Variants in BMS1 observed in about 807,000 individuals in gnomAD.
BMS1 encodes ribosome biogenesis protein BMS1 homolog.
A neutral mutation model predicts 138.7 loss-of-function variants in BMS1; 53 were observed. The ratio of observed to expected loss-of-function variants is 0.38; its 90% confidence interval spans 0.31 to 0.48. BMS1 has a LOEUF of 0.48. Ranked by LOEUF, BMS1 falls within the 20% of genes least tolerant of loss-of-function variation. The probability of loss-of-function intolerance (pLI) is 0.97; values close to 1 mark genes in which losing one functional copy is unlikely to be tolerated. For synonymous variants in BMS1, 504 were observed against 539.9 expected (o/e 0.93, Z 0.92); for missense variants, 1,360 against 1,565.5 (o/e 0.87, Z 2.22).
intron 9 of BMS1, 152 bp downstream of exon 9, chr10:42,794,143 C>G: frequency 1.2e-6 from 1 of 833,266 alleles, no homozygotes; most frequent in Non-Finnish European, 1.8e-6. Flanking sequence ...GGGCTCTTCA[C>G]TTACCTGACA....
chr10:42,799,023 T>C (rs972349961), intron 12 of BMS1, among the ~76,000 whole-genome samples: 1 of 152,258 alleles, frequency 6.6e-6, no homozygotes, highest in Non-Finnish European at 1.5e-5. Flanking sequence ...ATGTTCTTCC[T>C]GCAGCTTACC....
At chr10:42,804,663 A>G (rs929269939) in intron 13 of BMS1, among the ~76,000 whole-genome samples, 1 of 151,792 alleles carries the variant, frequency 6.6e-6, no homozygotes, top group Non-Finnish European at 1.5e-5. Context: ...TGTCTTTTCT[A>G]TTTTTAATAG....
intron 15 of BMS1, among the ~76,000 whole-genome samples, chr10:42,819,938 C>G (rs778093918): frequency 6.6e-6 from 1 of 152,032 alleles, no homozygotes; most frequent in Non-Finnish European, 1.5e-5. Context: ...ACTACAGGCA[C>G]GCACCACCAC....
At chr10:42,830,451 T>A (rs1842769287) in intron 22 of BMS1, 29 bp downstream of exon 22, 1 of 1,574,250 alleles carries the variant, frequency 6.4e-7, no homozygotes, top group Non-Finnish European at 8.6e-7. Context: ...TACTGCACGC[T>A]GCGTTTAGAT....
At chr10:42,784,658 G>C (rs1306861517) in intron 2 of BMS1, 88 bp downstream of exon 2, 2 of 1,426,202 alleles carry the variant, frequency 1.4e-6, no homozygotes, top group African/African-American at 2.9e-5. Flanking sequence ...GGATTCACGA[G>C]TCTAGTCCAG....
chr10:42,829,310 C>CA (rs575009105), intron 21 of BMS1, among the ~76,000 whole-genome samples: 26 of 145,514 alleles, frequency 1.8e-4, no homozygotes, highest in South Asian at 8.7e-4. Flanking sequence ...GACTCCATCT[C>CA]AAAAAAAAAA....
rs1225870250 is a variant in BMS1, at chr10:42,830,320, G to C, written c.3516G>C (p.Lys1172Asn). Residue 1172 changes from lysine to asparagine, a missense_variant, in exon 22 of 23, where the codon AAG becomes AAC. Lys to Asn is a moderately conservative substitution (Grantham distance 94). Transcript: ENST00000374518. The part of the protein sequence containing the change: ...NSLHIPKALQ[K>N]ALPFKNKPKT... ...TGCACATTCCAAAAGCCTTGCAGAAGGCCCTGCCATTTAAGAACAAGCCCA... is the reference window on the plus strand; with the variant it reads ...TGCACATTCCAAAAGCCTTGCAGAACGCCCTGCCATTTAAGAACAAGCCCA... 6.2e-7 allele frequency: 1 copy of C among 1,614,030 alleles called. No individual in the cohort carries two copies. Among genetic ancestry groups the C allele is most frequent in the Non-Finnish European group, 8.5e-7 (1 of 1,180,022 alleles).
At position 42,798,512 on chromosome 10, in the gene BMS1, C is replaced by G. The variant is rs746672042; in HGVS notation, c.2134C>G (p.Leu712Val). Residue 712 changes from leucine (L) to valine (V), a missense_variant, in exon 12 of 23, where the codon CTT (leucine) becomes GTT (valine). Leu to Val is a conservative substitution (Grantham distance 32). Coordinates refer to ENST00000374518, the MANE Select transcript of BMS1 (RefSeq NM_014753.4). Reference protein sequence around the residue: ...EEEDDDTLEELGGLFRVNQPD... With the variant: ...EEEDDDTLEEVGGLFRVNQPD... ...AGAAGATGATGATACTCTAGAAGAG[C>G]TTGGAGGGTTGTTTCGTGTCAACCA... The G allele has an allele frequency of 1.2e-6, 2 of 1,614,212 alleles. No homozygotes were observed. Among genetic ancestry groups the G allele is most frequent in the Non-Finnish European group, 1.7e-6 (2 of 1,180,034 alleles).
At chr10:42,799,417 A>G (rs1841801209) in intron 12 of BMS1, among the ~76,000 whole-genome samples, 2 of 152,008 alleles carry the variant, frequency 1.3e-5, no homozygotes, top group Non-Finnish European at 1.5e-5. Flanking sequence ...CTTTCTCTCT[A>G]TTCTCTTCTG....
intron 13 of BMS1, among the ~76,000 whole-genome samples, chr10:42,808,609 A>G (rs1363288054): frequency 6.6e-6 from 1 of 151,926 alleles, no homozygotes; most frequent in Non-Finnish European, 1.5e-5. Context: ...AAAAGTTTTT[A>G]TTTTTGATGA....
At chr10:42,787,049 G>A (rs1841357047) in intron 3 of BMS1, 119 bp from the exon 4 acceptor site, 2 of 761,072 alleles carry the variant, frequency 2.6e-6, no homozygotes, top group East Asian at 2.5e-5. Flanking sequence ...CTTCTTGTAT[G>A]CTCCTGTAAA....
chr10:42,817,957 CAT>C, intron 15 of BMS1, among the ~76,000 whole-genome samples: 1 of 152,150 alleles, frequency 6.6e-6, no homozygotes, highest in East Asian at 1.9e-4. Flanking sequence ...TTCAGAAGGA[CAT>C]GTGGAGTATA....
At chr10:42,795,212 G>C (rs966593189) in intron 9 of BMS1, among the ~76,000 whole-genome samples, 1 of 151,980 alleles carries the variant, frequency 6.6e-6, no homozygotes, top group Non-Finnish European at 1.5e-5. Flanking sequence ...TGAATAGTGC[G>C]GCAATAAACA....
chr10:42,807,909 A>G (rs1842057651), intron 13 of BMS1, among the ~76,000 whole-genome samples: 1 of 152,200 alleles, frequency 6.6e-6, no homozygotes, highest in African/African-American at 2.4e-5. Context: ...TCTACTAGCA[A>G]TTATGTGAGT....
At chr10:42,789,592 G>GT (rs11337884) in intron 4 of BMS1, among the ~76,000 whole-genome samples, 154 of 148,030 alleles carry the variant, frequency 1.0e-3, no homozygotes, top group Middle Eastern at 3.4e-3. Flanking sequence ...TAATCTTACT[G>GT]TTTTTTTTTT....
chr10:42,805,131 C>T (rs1453797417), intron 13 of BMS1, among the ~76,000 whole-genome samples: 2 of 152,116 alleles, frequency 1.3e-5, no homozygotes, highest in African/African-American at 2.4e-5. Context: ...TCAGGTTTTA[C>T]GTTTAGGTCT....
chr10:42,829,489 T>C (rs1842743680), intron 21 of BMS1, among the ~76,000 whole-genome samples: 1 of 152,106 alleles, frequency 6.6e-6, no homozygotes, highest in South Asian at 2.1e-4. Flanking sequence ...TCAGGACTCT[T>C]TGGCTGCTGA....
At chr10:42,804,862 C>T (rs1338365919) in intron 13 of BMS1, among the ~76,000 whole-genome samples, 5 of 152,006 alleles carry the variant, frequency 3.3e-5, no homozygotes, top group South Asian at 2.1e-4. Flanking sequence ...GGATTACAGG[C>T]GCCCGCCACC....
intron 3 of BMS1, among the ~76,000 whole-genome samples, chr10:42,786,116 C>T (rs1841320295): frequency 6.6e-6 from 1 of 152,192 alleles, no homozygotes; most frequent in Admixed American, 6.5e-5. Context: ...TTGGCTTTGC[C>T]AAACATGTTC....
Sources: allele counts gnomAD v4.1 joint callset (sites outside exome capture counted in the v4.1 genomes callset), GRCh38; gene constraint gnomAD v4.1.1; transcripts MANE v1.5; gene names NCBI Gene and HGNC (gene_info 2026-07-23, HGNC 2026-07-21).